The following TNS1 variants were observed in gnomAD, a reference collection of about 807,000 sequenced individuals.
The protein encoded by TNS1 is tensin 1, also known as tensin-1.
A neutral mutation model predicts 168.6 loss-of-function variants in TNS1; 62 were observed. The observed-to-expected ratio is 0.37, with a 90% CI of 0.30 to 0.45. TNS1 has a LOEUF of 0.45. Ranked by LOEUF, TNS1 falls within the 20% of genes least tolerant of loss-of-function variation. The pLI, the probability that TNS1 is intolerant of heterozygous loss-of-function variation, is 1.00. For missense variants in TNS1, 2,240 were observed against 2,339.4 expected (o/e 0.96, Z 0.88); for synonymous variants, 934 against 933.2 (o/e 1.00, Z -0.02).
At chr2:217,872,688 A>G (rs929864767) in intron 18 of TNS1, among the ~76,000 whole-genome samples, 3 of 152,206 alleles carry the variant, frequency 2.0e-5, no homozygotes, top group East Asian at 1.9e-4. Flanking sequence ...ACTCCTGGCT[A>G]TCTACCCAAG....
At chr2:217,955,006 G>T (rs1438227891) in intron 3 of TNS1, among the ~76,000 whole-genome samples, 3 of 152,166 alleles carry the variant, frequency 2.0e-5, no homozygotes, top group Admixed American at 2.0e-4. Flanking sequence ...GCACACTCAT[G>T]AGCTCCACCC....
chr2:217,873,294 G>A (rs1949932245), intron 18 of TNS1, among the ~76,000 whole-genome samples: 3 of 152,174 alleles, frequency 2.0e-5, no homozygotes, highest in South Asian at 2.1e-4. Context: ...ACATATCAAA[G>A]GTGTAAAAAG....
In TNS1 at chr2:217,983,923, G is replaced by T. The variant is rs531309217; in HGVS notation, c.149-5121C>A. On this transcript the variant is annotated intron_variant, in intron 2 of 32. Transcript: ENST00000682258. ...ATTCTGGATGTTTCTGAGAAAGTCG[G>T]TTGGTTTTATTTTTTAGATGAGATT... is the stretch of plus-strand genomic sequence containing the variant. Among the ~76,000 whole-genome samples, 152 of 152,314 alleles carry T rather than the reference G, an allele frequency of 1.0e-3. 2 individuals are homozygous for T. Among genetic ancestry groups the T allele is most frequent in the Middle Eastern group, 3.4e-3 (1 of 294 alleles).
At chr2:217,898,749 G>T (rs141194490) in intron 7 of TNS1, among the ~76,000 whole-genome samples, 165 of 152,340 alleles carry the variant, frequency 1.1e-3, no homozygotes, top group African/African-American at 3.8e-3. Flanking sequence ...TGCGTTTCCC[G>T]GAGAGGTGGG....
At position 217,880,864 on chromosome 2, in the gene TNS1, G is replaced by A; in HGVS notation, c.1429+34C>T. On this transcript the variant is annotated intron_variant, in intron 18 of 32. Coordinates refer to ENST00000682258, the MANE Select transcript of TNS1 (RefSeq NM_001387777.1). The surrounding 1 kb of genome is among the most constrained non-coding windows in gnomAD (Gnocchi z 4.2). ...CATGTGAGCAGAGGCTGTGCAGTTT[G>A]GATAGGGGCTGGGAGCCACTAGGTC... 2.0e-6 allele frequency: 3 copies of A among 1,500,438 alleles called. No individual in the cohort carries two copies. The highest frequency in any genetic ancestry group is 1.1e-5 in the South Asian group (1 of 88,940). The allele number at this position is 1,500,438 out of a possible 1,614,324, so 92.9% of individuals were successfully genotyped here. A position where few individuals can be genotyped will look rare whatever the true frequency, so the allele number is the denominator to read the frequency against.
At chr2:218,020,404 T>C (rs1958797222) in intron 1 of TNS1, among the ~76,000 whole-genome samples, 1 of 151,804 alleles carries the variant, frequency 6.6e-6, no homozygotes, top group East Asian at 1.9e-4. Flanking sequence ...TTAAATAACT[T>C]GATTATCACC....
intron 1 of TNS1, among the ~76,000 whole-genome samples, chr2:217,993,164 T>C (rs1341309652): frequency 2.0e-5 from 3 of 152,206 alleles, no homozygotes; most frequent in South Asian, 2.1e-4. Flanking sequence ...TCTGGGTATA[T>C]ATAAGTACTC....
Position 217,958,937 on chromosome 2 carries a change from G to C in TNS1, c.186+19828C>G, listed in dbSNP as rs370361856. ...CAAGGTTCTCAGCACCTGGAGATCC[G>C]CAGCCAGTTTTCATGGCAGCCCAGG... On this transcript the variant is annotated intron_variant, in intron 3 of 32. Transcript: ENST00000682258. 2.1e-4 allele frequency among the ~76,000 whole-genome samples: 32 copies of C among 152,336 alleles called. No individual in the cohort carries two copies. The East Asian group carries it at 3.5e-3, about 17-fold the overall frequency.
intron 19 of TNS1, among the ~76,000 whole-genome samples, chr2:217,842,551 C>T (rs1946120641): frequency 6.6e-6 from 1 of 152,160 alleles, no homozygotes; most frequent in South Asian, 2.1e-4. Flanking sequence ...TTTCCATGGC[C>T]ACTGCCCAGA....
intron 1 of TNS1, among the ~76,000 whole-genome samples, chr2:218,022,073 C>G (rs1958810736): frequency 6.6e-6 from 1 of 152,264 alleles, no homozygotes; most frequent in South Asian, 2.1e-4. Context: ...CGAGGAGGAA[C>G]AGACCTGGCC....
At chr2:218,015,749 G>C (rs959683836) in intron 1 of TNS1, among the ~76,000 whole-genome samples, 1 of 152,152 alleles carries the variant, frequency 6.6e-6, no homozygotes, top group Non-Finnish European at 1.5e-5. Context: ...AACGGGGGGT[G>C]GGGGCAGGGT....
In TNS1 at chr2:217,895,000, G is replaced by A. The variant is rs943034293; in HGVS notation, c.594+6C>T. On this transcript the variant is annotated splice_donor_region_variant and intron_variant, in intron 9 of 32. Coordinates refer to ENST00000682258, the MANE Select transcript of TNS1 (RefSeq NM_001387777.1). The stretch of plus-strand genomic sequence containing the variant: ...CTCCCCTACCCCAAAACAGCCCCTG[G>A]CTCACCTTGGCATGGAGCTTCGTGA... 1.2e-6 allele frequency: 2 copies of A among 1,612,716 alleles called. No homozygotes were observed. The highest frequency in any genetic ancestry group is 1.7e-5 in the Admixed American group (1 of 59,920).
At chr2:218,007,935 G>A (rs531906991), upstream of TNS1, among the ~76,000 whole-genome samples, 11 of 152,166 alleles carry the variant, frequency 7.2e-5, no homozygotes, top group Non-Finnish European at 1.3e-4. Flanking sequence ...ACCAAGGCAC[G>A]ACATGGTCTG....
At chr2:217,982,156 G>A (rs1171646171) in intron 2 of TNS1, among the ~76,000 whole-genome samples, 4 of 152,176 alleles carry the variant, frequency 2.6e-5, no homozygotes, top group African/African-American at 4.8e-5. Flanking sequence ...AGAGGGCCAT[G>A]TGGTGAGGGG....
chr2:218,022,807 T>C (rs937072372), intron 1 of TNS1, among the ~76,000 whole-genome samples: 1 of 39,690 alleles, frequency 2.5e-5, no homozygotes, highest in African/African-American at 9.9e-5. Flanking sequence ...GTGGCAGAGA[T>C]GGGGGATGGG....
chr2:217,993,439 A>G (rs1958414621), intron 1 of TNS1, among the ~76,000 whole-genome samples: 1 of 152,236 alleles, frequency 6.6e-6, no homozygotes, highest in Non-Finnish European at 1.5e-5. Flanking sequence ...CCAAGCTGGG[A>G]GCAGGGGTGC....
chr2:217,887,274 A>G (rs909986425), intron 12 of TNS1, among the ~76,000 whole-genome samples: 1 of 152,154 alleles, frequency 6.6e-6, no homozygotes, highest in African/African-American at 2.4e-5. Flanking sequence ...TCTAATAAGT[A>G]TCTATCTCTA....
intron 4 of TNS1, 134 bp downstream of exon 4, chr2:217,920,061 G>A: frequency 1.5e-6 from 1 of 677,850 alleles, no homozygotes; most frequent in South Asian, 1.6e-5. Flanking sequence ...GGCCCAGGGA[G>A]GTCGACCCTC....
intron 4 of TNS1, among the ~76,000 whole-genome samples, chr2:217,912,309 G>A (rs1954507286): frequency 6.6e-6 from 1 of 152,244 alleles, no homozygotes; most frequent in African/African-American, 2.4e-5. Context: ...AGGGGAAGGG[G>A]ATTGGGGAGG....
Sources: gnomAD v4.1 joint callset for allele counts (sites outside exome capture counted in the v4.1 genomes callset) on GRCh38, gnomAD v4.1.1 for gene constraint, Gnocchi (gnomAD v3.1) non-coding constraint, MANE v1.5 for transcripts, NCBI Gene and HGNC (gene_info 2026-07-23, HGNC 2026-07-21) for gene names.